The following TPRA1 variants were observed in gnomAD, a reference collection of about 807,000 sequenced individuals.
TPRA1 encodes the protein transmembrane protein adipocyte associated 1, also known as transmembrane protein adipocyte-associated 1.
TPRA1 carries 28 observed loss-of-function variants against 40.1 expected under a neutral mutation model. The observed-to-expected ratio is 0.70, with a 90% CI of 0.52 to 0.96. The LOEUF (loss-of-function observed/expected upper bound fraction) is 0.96, where lower values mean the gene tolerates loss of function less well. TPRA1 is among the 40% of genes least tolerant of loss of function. The pLI is 0.00. For synonymous variants in TPRA1, 219 were observed against 209.7 expected (o/e 1.04, Z -0.38); for missense variants, 441 against 482.6 (o/e 0.91, Z 0.81).
rs148382120 is a variant in TPRA1, at chr3:127,572,522, GC to G, written c.*998del. Reference sequence around the variant, plus strand: ...TTGCTCTGATTTACTCCCATTTTCAGCCAACCACACCCATCCTTATGACAAA... The same window carrying G: ...TTGCTCTGATTTACTCCCATTTTCAGCAACCACACCCATCCTTATGACAAA... On this transcript the variant is annotated 3_prime_UTR_variant, in exon 11 of 11. Coordinates refer to ENST00000355552, the MANE Select transcript of TPRA1 (RefSeq NM_001136053.4). Among the ~76,000 whole-genome samples, 130 of 152,292 alleles carry G rather than the reference GC, an allele frequency of 8.5e-4. No homozygotes were observed. The highest frequency in any genetic ancestry group is 2.6e-3 in the African/African-American group (109 of 41,548).
upstream of TPRA1, among the ~76,000 whole-genome samples, chr3:127,594,354 T>A (rs2074221956): frequency 6.6e-6 from 1 of 152,178 alleles, no homozygotes; most frequent in Non-Finnish European, 1.5e-5. Context: ...GACCCCATGA[T>A]ACTAGAGGCA....
upstream of TPRA1, among the ~76,000 whole-genome samples, chr3:127,593,456 A>C (rs959083361): frequency 1.3e-5 from 2 of 152,156 alleles, no homozygotes; most frequent in African/African-American, 4.8e-5. Context: ...TATCACTGGG[A>C]TAGACATCCT....
rs2073593586 is a variant in TPRA1 at position 127,575,774 on chromosome 3, C to T, written c.645G>A (p.Pro215=). The T allele has an allele frequency of 8.1e-6, 13 of 1,613,812 alleles. No homozygotes were observed. Among genetic ancestry groups the T allele is most frequent in the South Asian group, 1.1e-5 (1 of 91,088 alleles). ...AAGGCAGGGAGATGCGCTCCTTCAG[C>T]GGGGTCTTGGGAAGGATGACCACCA... ...YSLVVILPKT[P]LKERISLPSR... Residue 215 remains proline, a synonymous_variant, in exon 8 of 11, where the codon CCG becomes CCA. Coordinates refer to ENST00000355552, the MANE Select transcript of TPRA1 (RefSeq NM_001136053.4).
rs1282398028 is a variant in TPRA1 at position 127,571,916 on chromosome 3, C to T, written c.*1605G>A. On this transcript the variant is annotated 3_prime_UTR_variant, in exon 11 of 11. Transcript: ENST00000355552. ...TGCAGCCAGCAAACTTCGGCTGACACTGTGCCATCTTGGACTGCATGTGGA... is the reference window on the plus strand; with the variant it reads ...TGCAGCCAGCAAACTTCGGCTGACATTGTGCCATCTTGGACTGCATGTGGA... The T allele has an allele frequency of 2.0e-5, 3 of 152,248 alleles. No individual in the cohort carries two copies. 9.4% of individuals were successfully genotyped at this position (152,248 alleles called of 1,614,324 possible). A position where few individuals can be genotyped will look rare whatever the true frequency, so the allele number is the denominator to read the frequency against.
chr3:127,579,686 CT>C, intron 3 of TPRA1, 53 bp downstream of exon 3: 1 of 1,592,922 alleles, frequency 6.3e-7, no homozygotes, highest in Non-Finnish European at 8.6e-7. Flanking sequence ...AGTTAATTCC[CT>C]TTTTGTTTAA....
At chr3:127,574,989 T>G in intron 10 of TPRA1, 196 bp downstream of exon 10, 1 of 625,690 alleles carries the variant, frequency 1.6e-6, no homozygotes, top group Non-Finnish European at 2.8e-6. Flanking sequence ...TCCATGCACA[T>G]GTGGGTGGGT....
chr3:127,575,368 C>T, intron 9 of TPRA1, 35 bp downstream of exon 9: 1 of 1,570,940 alleles, frequency 6.4e-7, no homozygotes, highest in Non-Finnish European at 8.6e-7. Flanking sequence ...CTTCCCATGC[C>T]CCCACGAGGC....
In TPRA1 at chr3:127,575,922, C is replaced by T; in HGVS notation, c.609+18G>A. On this transcript the variant is annotated intron_variant, in intron 7 of 10. Transcript: ENST00000355552. ...CCTAAGGCCCCAGCCACCCCAGCTGCCCCAGCCTGAACCTCACCAGGAAGA... is the reference window on the plus strand; with the variant it reads ...CCTAAGGCCCCAGCCACCCCAGCTGTCCCAGCCTGAACCTCACCAGGAAGA... The T allele has an allele frequency of 6.2e-7, 1 of 1,613,324 alleles. No individual in the cohort carries two copies. Among genetic ancestry groups the T allele is most frequent in the Non-Finnish European group, 8.5e-7 (1 of 1,179,456 alleles).
rs776007924 is a variant in TPRA1 at position 127,580,126 on chromosome 3, C to T, written c.21G>A (p.Val7=). The T allele has an allele frequency of 1.2e-6, 2 of 1,613,144 alleles. No homozygotes were observed. Among genetic ancestry groups the T allele is most frequent in the Non-Finnish European group, 1.7e-6 (2 of 1,179,982 alleles). The part of the protein sequence containing the change: MDTLEE[V]TWANGSTALP... ...GCGCTGTGCTCCCATTGGCCCAAGT[C>T]ACCTCCTCCAGGGTGTCCATCCCGC... The change falls in exon 2 of 11, where the codon GTG becomes GTA. Residue 7 remains valine, a synonymous_variant. Transcript: ENST00000355552.
upstream of TPRA1, among the ~76,000 whole-genome samples, chr3:127,592,483 T>A (rs980003012): frequency 6.7e-6 from 1 of 149,924 alleles, no homozygotes; most frequent in Non-Finnish European, 1.5e-5. Context: ...CTTCCCGGGT[T>A]CACGCCATTC....
In TPRA1 at chr3:127,573,505, G is replaced by T; in HGVS notation, c.*16C>A. ...CTCCTCTCTGGCCTGTCCTCCACAG[G>T]CCCTGGCAGCTGCCCTCAGGCATTG... On this transcript the variant is annotated 3_prime_UTR_variant, in exon 11 of 11. Coordinates refer to ENST00000355552, the MANE Select transcript of TPRA1 (RefSeq NM_001136053.4). 1.2e-6 allele frequency: 2 copies of T among 1,605,276 alleles called. No individual in the cohort carries two copies. The highest frequency in any genetic ancestry group is 2.2e-5 in the South Asian group (2 of 90,414).
At chr3:127,592,617 C>T (rs538781961), upstream of TPRA1, among the ~76,000 whole-genome samples, 1 of 151,726 alleles carries the variant, frequency 6.6e-6, no homozygotes, top group South Asian at 2.1e-4. Flanking sequence ...GATCTCCTGA[C>T]CTCATGATCC....
chr3:127,595,146 GGGA>G (rs1483135815), upstream of TPRA1, among the ~76,000 whole-genome samples: 1 of 152,238 alleles, frequency 6.6e-6, no homozygotes, highest in Admixed American at 6.5e-5. Context: ...CTATGCTGTT[GGGA>G]GGAGATCACA....
Position 127,576,299 on chromosome 3 carries a change from C to A in TPRA1, c.499-249G>T, listed in dbSNP as rs1432521061. Among the ~76,000 whole-genome samples the A allele has an allele frequency of 6.6e-6, 1 of 152,174 alleles. No individual in the cohort carries two copies. The highest frequency in any genetic ancestry group is 1.5e-5 in the Non-Finnish European group (1 of 68,030). ...GGGGCAGAGATGGACAAGGTGCAGT[C>A]CCTGCCCCCAATCTAAGAAAGGGGC... On this transcript the variant is annotated intron_variant, in intron 6 of 10. Coordinates refer to ENST00000355552, the MANE Select transcript of TPRA1 (RefSeq NM_001136053.4). The surrounding 1 kb of genome is among the most constrained non-coding windows in gnomAD (Gnocchi z 4.6).
In TPRA1 at chr3:127,575,732, G is replaced by GC; in HGVS notation, c.670+16dup. The GC allele has an allele frequency of 6.2e-7, 1 of 1,612,998 alleles. No individual in the cohort carries two copies. The highest frequency in any genetic ancestry group is 1.1e-5 in the South Asian group (1 of 91,078). On this transcript the variant is annotated intron_variant, in intron 8 of 10. Coordinates refer to ENST00000355552, the MANE Select transcript of TPRA1 (RefSeq NM_001136053.4). The stretch of plus-strand genomic sequence containing the variant: ...TCCCATCCCCGCCTGTCCCAGAGCC[G>GC]CCGGCCAGCTGCTCACAAGGCAGGG...
chr3:127,583,893 T>C (rs1455478474), intron 1 of TPRA1, among the ~76,000 whole-genome samples: 1 of 151,818 alleles, frequency 6.6e-6, no homozygotes, highest in Non-Finnish European at 1.5e-5. Context: ...ATGGTCTCGA[T>C]CTCCTGACCT....
intron 1 of TPRA1, among the ~76,000 whole-genome samples, chr3:127,581,619 T>C (rs540775244): frequency 6.6e-6 from 1 of 151,830 alleles, no homozygotes; most frequent in East Asian, 1.9e-4. Flanking sequence ...TTTTAAAAAG[T>C]AAAAAAGATG....
chr3:127,590,427 G>C lies in TPRA1; in HGVS notation c.-35C>G, dbSNP rs1022400489. On this transcript the variant is annotated 5_prime_UTR_variant, in exon 1 of 11. Coordinates refer to ENST00000355552, the MANE Select transcript of TPRA1 (RefSeq NM_001136053.4). ...CTCCTTACCTGACAGCCCGGGCCGC[G>C]CTCAGGACCGGCCGCCCCGGCCGCC... 2 of 150,198 alleles carry C rather than the reference G, an allele frequency of 1.3e-5. No homozygotes were observed. Among genetic ancestry groups the C allele is most frequent in the African/African-American group, 2.4e-5 (1 of 41,418 alleles). 9.3% of individuals were successfully genotyped at this position (150,198 alleles called of 1,614,324 possible).
At chr3:127,575,624 AC>A (rs892881312) in intron 8 of TPRA1, 119 bp from the exon 9 acceptor site, 2 of 1,477,752 alleles carry the variant, frequency 1.4e-6, no homozygotes, top group Non-Finnish European at 9.3e-7. Context: ...CCTCCCTCTC[AC>A]CCAGGGCTCT....
Sources: gnomAD v4.1 joint callset for allele counts (sites outside exome capture counted in the v4.1 genomes callset) on GRCh38, gnomAD v4.1.1 for gene constraint, Gnocchi (gnomAD v3.1) non-coding constraint, MANE v1.5 for transcripts, NCBI Gene and HGNC (gene_info 2026-07-23, HGNC 2026-07-21) for gene names.